The following STK32B variants were observed in gnomAD, a reference collection of about 807,000 sequenced individuals.
The protein encoded by STK32B is serine/threonine-protein kinase 32B.
In STK32B, 43 loss-of-function variants were observed where a neutral mutation model predicts 52.6. The observed-to-expected ratio is 0.82, with a 90% CI of 0.64 to 1.05. The LOEUF is 1.05. Among genes scored for constraint, STK32B ranks in the 50% least tolerant of loss-of-function variants. STK32B has a pLI of 0.00. For missense variants in STK32B, 621 were observed against 534.6 expected, an observed-to-expected ratio of 1.16 and a Z score of -1.59; for synonymous variants, 238 against 204.3, an observed-to-expected ratio of 1.17 and a Z score of -1.41.
At chr4:5,355,588 C>T (rs902078579) in intron 4 of STK32B, among the ~76,000 whole-genome samples, 1 of 152,110 alleles carries the variant, frequency 6.6e-6, no homozygotes, top group South Asian at 2.1e-4. Context: ...CAGATAATCC[C>T]TTGTTATGGG....
chr4:5,317,390 T>TAC (rs1731135667), intron 3 of STK32B, among the ~76,000 whole-genome samples: 1 of 77,556 alleles, frequency 1.3e-5, no homozygotes, highest in African/African-American at 9.3e-5. Context: ...ATTACATATA[T>TAC]ATAATATATA....
At chr4:5,100,604 TCC>T (rs1713693322) in intron 1 of STK32B, among the ~76,000 whole-genome samples, 1 of 143,050 alleles carries the variant, frequency 7.0e-6, no homozygotes, top group African/African-American at 2.6e-5. Flanking sequence ...CTTCCTTTCT[TCC>T]TTCCTTCCCT....
chr4:5,263,465 A>G (rs1726859923), intron 3 of STK32B, among the ~76,000 whole-genome samples: 1 of 152,144 alleles, frequency 6.6e-6, no homozygotes, highest in Non-Finnish European at 1.5e-5. Flanking sequence ...ACTGATGTCC[A>G]TCTCTGTAGT....
intron 5 of STK32B, among the ~76,000 whole-genome samples, chr4:5,410,462 C>T (rs943589537): frequency 3.3e-5 from 5 of 152,190 alleles, no homozygotes; most frequent in African/African-American, 1.2e-4. Context: ...GGTCTTCCTT[C>T]CTCTAGAGGG....
At chr4:5,259,164 C>A (rs1431329822) in intron 3 of STK32B, among the ~76,000 whole-genome samples, 1 of 152,176 alleles carries the variant, frequency 6.6e-6, no homozygotes, top group Admixed American at 6.5e-5. Context: ...CACACACCTC[C>A]TCTATTTTTT....
intron 3 of STK32B, among the ~76,000 whole-genome samples, chr4:5,303,402 G>A (rs4580607): frequency 0.32 from 48,967 of 151,966 alleles, 12,785 homozygotes; most frequent in African/African-American, 0.73. Context: ...GTATCGCATT[G>A]TGGTTTTTAT....
chr4:5,101,282 G>T (rs1213644600), intron 1 of STK32B, among the ~76,000 whole-genome samples: 1 of 152,328 alleles, frequency 6.6e-6, no homozygotes, highest in East Asian at 1.9e-4. Flanking sequence ...CTTCCCGGGA[G>T]GGTCTGCACT....
At chr4:5,162,003 AGTGTCTGCCTCAGGTCCC>A (rs1718486514) in intron 2 of STK32B, among the ~76,000 whole-genome samples, 1 of 152,174 alleles carries the variant, frequency 6.6e-6, no homozygotes, top group African/African-American at 2.4e-5. Flanking sequence ...GAACTAGCCC[AGTGTCTGCCTCAGGTCCC>A]GTTGATGGGG....
At chr4:5,332,414 A>G (rs1278596513) in intron 4 of STK32B, among the ~76,000 whole-genome samples, 1 of 152,196 alleles carries the variant, frequency 6.6e-6, no homozygotes, top group Non-Finnish European at 1.5e-5. Context: ...AGCACCTGGT[A>G]TCTATGGAAT....
intron 1 of STK32B, among the ~76,000 whole-genome samples, chr4:5,107,534 C>T (rs1714172586): frequency 6.6e-6 from 1 of 152,148 alleles, no homozygotes; most frequent in African/African-American, 2.4e-5. Context: ...TAAAATCCCT[C>T]ATCAACTTTC....
intron 3 of STK32B, among the ~76,000 whole-genome samples, chr4:5,305,225 C>G (rs573925233): frequency 1.3e-5 from 2 of 152,048 alleles, no homozygotes; most frequent in East Asian, 1.9e-4. Context: ...GGAAGATTGC[C>G]TCTTTCTTTA....
chr4:5,404,890 G>A (rs1737555312), intron 5 of STK32B, among the ~76,000 whole-genome samples: 1 of 132,810 alleles, frequency 7.5e-6, no homozygotes, highest in Admixed American at 8.1e-5. Context: ...TTTTTGAGAT[G>A]GAGTCTCGTT....
chr4:5,176,441 T>TC, intron 3 of STK32B, among the ~76,000 whole-genome samples: 1 of 146,892 alleles, frequency 6.8e-6, no homozygotes, highest in Non-Finnish European at 1.5e-5. Flanking sequence ...CCATCATCTT[T>TC]TTTTTTTTTT....
rs1716947259 is a variant in STK32B, at chr4:5,460,487, T to A, written c.909+259T>A. Among the ~76,000 whole-genome samples the A allele has an allele frequency of 6.6e-6, 1 of 152,160 alleles. No individual in the cohort carries two copies. Among genetic ancestry groups the A allele is most frequent in the Admixed American group, 6.5e-5 (1 of 15,270 alleles). On this transcript the variant is annotated intron_variant, in intron 9 of 11. Coordinates refer to ENST00000282908, the MANE Select transcript of STK32B (RefSeq NM_018401.3). The surrounding 1 kb of genome is among the most constrained non-coding windows in gnomAD (Gnocchi z 4.8). ...GTCACTGAATCCCACCTCCAGGTGC[T>A]CAGGTCCAGGTGTGGGGATAGCAGG...
chr4:5,134,887 G>A lies in STK32B; in HGVS notation c.53-5018G>A, dbSNP rs1715985685. Among the ~76,000 whole-genome samples, 3 of 152,214 alleles carry A rather than the reference G, an allele frequency of 2.0e-5. No individual in the cohort carries two copies. The South Asian group carries it at 6.2e-4, about 31-fold the overall frequency. On this transcript the variant is annotated intron_variant, in intron 1 of 11. Transcript: ENST00000282908. ...TAGAGATTGTTTGAAAGAGTTACTAGCCATCTTGAAAGTTCACTCTTGGCT... is the reference window on the plus strand; with the variant it reads ...TAGAGATTGTTTGAAAGAGTTACTAACCATCTTGAAAGTTCACTCTTGGCT...
rs957349274 is a variant in STK32B at position 5,395,011 on chromosome 4, G to A, written c.435-3196G>A. Among the ~76,000 whole-genome samples the A allele has an allele frequency of 1.3e-5, 2 of 152,178 alleles. No homozygotes were observed. Among genetic ancestry groups the A allele is most frequent in the Admixed American group, 6.5e-5 (1 of 15,276 alleles). On this transcript the variant is annotated intron_variant, in intron 4 of 11. Coordinates refer to ENST00000282908, the MANE Select transcript of STK32B (RefSeq NM_018401.3). The surrounding 1 kb of genome is among the most constrained non-coding windows in gnomAD (Gnocchi z 4.4). ...CGGGCTGCACTCCTTTCTGGAACAT[G>A]GGGTGGGGTTCTCTCCCAGGCTCTT... is the stretch of plus-strand genomic sequence containing the variant.
At chr4:5,152,632 A>G (rs1717465642) in intron 2 of STK32B, among the ~76,000 whole-genome samples, 1 of 152,246 alleles carries the variant, frequency 6.6e-6, no homozygotes, top group African/African-American at 2.4e-5. Flanking sequence ...GCTGTAGATG[A>G]AAAGCTAATG....
At chr4:5,317,226 A>T (rs1308079618) in intron 3 of STK32B, among the ~76,000 whole-genome samples, 1 of 48,160 alleles carries the variant, frequency 2.1e-5, no homozygotes, top group Non-Finnish European at 2.8e-5. Context: ...TATATATATT[A>T]TATATAACAT....
At chr4:5,359,233 C>T (rs1028063024) in intron 4 of STK32B, among the ~76,000 whole-genome samples, 3 of 152,088 alleles carry the variant, frequency 2.0e-5, no homozygotes, top group East Asian at 3.9e-4. Context: ...TGATACTACC[C>T]ATGGAACTTG....
Sources: allele counts gnomAD v4.1 joint callset (sites outside exome capture counted in the v4.1 genomes callset), GRCh38; gene constraint gnomAD v4.1.1; non-coding constraint Gnocchi (gnomAD v3.1); transcripts MANE v1.5; gene names NCBI Gene and HGNC (gene_info 2026-07-23, HGNC 2026-07-21).